PROM1: variants seen among roughly 807,000 people sequenced by gnomAD.
PROM1 encodes prominin-1.
Under a neutral mutation model 116.9 loss-of-function variants are expected in PROM1, and 105 were observed. That is an observed-to-expected ratio of 0.90 (90% CI 0.77 to 1.06). The LOEUF (loss-of-function observed/expected upper bound fraction) is 1.06. Among genes scored for constraint, PROM1 ranks in the 50% least tolerant of loss-of-function variants. PROM1 has a pLI of 0.00. For missense variants in PROM1, 1,122 were observed against 1,045.2 expected, an observed-to-expected ratio of 1.07 and a Z score of -1.01; for synonymous variants, 393 against 387.0, an observed-to-expected ratio of 1.02 and a Z score of -0.18.
rs577781904 is a variant in PROM1 at position 15,981,036 on chromosome 4, A to T, written c.2374-499T>A. On this transcript the variant is annotated intron_variant, in intron 23 of 27. Coordinates refer to ENST00000447510, the MANE Select transcript of PROM1 (RefSeq NM_006017.3). ...GAGTGCAGTGGTGCGATCTCGGCTCACTGCAAGCTCCGCCTCCTGGGTTCA... is the reference window on the plus strand; with the variant it reads ...GAGTGCAGTGGTGCGATCTCGGCTCTCTGCAAGCTCCGCCTCCTGGGTTCA... Among the ~76,000 whole-genome samples the T allele has an allele frequency of 9.6e-4, 146 of 151,352 alleles. 1 individual carries two copies. Among genetic ancestry groups the T allele is most frequent in the African/African-American group, 3.5e-3 (143 of 41,390 alleles).
chr4:16,049,440 G>A (rs1169374222), intron 2 of PROM1, among the ~76,000 whole-genome samples: 1 of 152,150 alleles, frequency 6.6e-6, no homozygotes, highest in Admixed American at 6.5e-5. Flanking sequence ...TTGAGCTCAC[G>A]TAAATTTGTT....
At chr4:16,022,362 T>C (rs1417876402) in intron 8 of PROM1, among the ~76,000 whole-genome samples, 2 of 152,152 alleles carry the variant, frequency 1.3e-5, no homozygotes, top group East Asian at 1.9e-4. Flanking sequence ...GTGATGTTAT[T>C]GTCGATGTCG....
chr4:15,976,094 C>T, intron 26 of PROM1: 1 of 439,944 alleles, frequency 2.3e-6, no homozygotes, highest in Non-Finnish European at 4.6e-6. Context: ...AAGACAAGTC[C>T]TTCCAATGTC....
intron 20 of PROM1, among the ~76,000 whole-genome samples, chr4:15,986,603 C>A (rs567061060): frequency 2.0e-5 from 3 of 152,230 alleles, no homozygotes; most frequent in Admixed American, 6.5e-5. Flanking sequence ...TTGGCTGGGC[C>A]CCTCATGAAA....
intron 2 of PROM1, among the ~76,000 whole-genome samples, chr4:16,072,670 TA>T (rs1234921475): frequency 6.6e-6 from 1 of 152,208 alleles, no homozygotes; most frequent in Non-Finnish European, 1.5e-5. Context: ...CTTGCAGGAC[TA>T]AAAAATTAGC....
At chr4:16,057,051 T>C (rs540891047) in intron 2 of PROM1, among the ~76,000 whole-genome samples, 52 of 152,380 alleles carry the variant, frequency 3.4e-4, no homozygotes, top group African/African-American at 1.2e-3. Flanking sequence ...GTCAGGGAGC[T>C]ATTTACTTGA....
At chr4:15,987,200 T>G (rs1719653344) in intron 20 of PROM1, among the ~76,000 whole-genome samples, 1 of 152,196 alleles carries the variant, frequency 6.6e-6, no homozygotes, top group Admixed American at 6.5e-5. Context: ...GTGCCTCCAC[T>G]CATCCCCTGA....
At position 15,986,008 on chromosome 4, in the gene PROM1, C is replaced by G; in HGVS notation, c.2160G>C (p.Leu720=). Residue 720 remains leucine, a synonymous_variant, in exon 21 of 28, where the codon CTG becomes CTC. Transcript: ENST00000447510. ...LERVTRILAS[L]DFAQNFITNN... is the part of the protein sequence containing the mutation. ...TTGTGATGAAGTTCTGAGCAAAATC[C>G]AGAGAAGCTAGAATCCTAGTTACTC... 1 of 1,580,848 alleles carries G rather than the reference C, an allele frequency of 6.3e-7. No individual in the cohort carries two copies. The highest frequency in any genetic ancestry group is 2.3e-5 in the East Asian group (1 of 44,186).
intron 5 of PROM1, among the ~76,000 whole-genome samples, chr4:16,031,863 C>CT (rs1320772527): frequency 1.3e-5 from 2 of 152,242 alleles, no homozygotes; most frequent in Admixed American, 6.5e-5. Flanking sequence ...TAAATAGTCA[C>CT]TGCCCTGGAG....
rs1485142340 is a variant in PROM1, at chr4:16,076,211, C to G, written c.-212-93G>C. 1.2e-5 allele frequency: 4 copies of G among 320,946 alleles called. No individual in the cohort carries two copies. In the East Asian group the frequency reaches 2.3e-4, roughly 18 times the overall value. 19.9% of individuals were successfully genotyped at this position (320,946 alleles called of 1,614,324 possible). On this transcript the variant is annotated intron_variant, in intron 1 of 27. Transcript: ENST00000447510. ...GAGAGGACGCTGCAAAGCTTTAGAG[C>G]AAGGCCTCCAGCCTAATCCGGATGG...
chr4:16,042,606 A>G (rs1249685173), intron 2 of PROM1, among the ~76,000 whole-genome samples: 1 of 152,186 alleles, frequency 6.6e-6, no homozygotes, highest in African/African-American at 2.4e-5. Context: ...AATTTTTTTA[A>G]TAAATAAATA....
At position 16,024,374 on chromosome 4, in the gene PROM1, T is replaced by G; in HGVS notation, c.631-16A>C. The G allele has an allele frequency of 6.2e-7, 1 of 1,602,916 alleles. No individual in the cohort carries two copies. The highest frequency in any genetic ancestry group is 8.5e-7 in the Non-Finnish European group (1 of 1,174,154). ...ATTTGATTTGCTGAAAAAAGAACAT[T>G]CTGTGAAACCTCCCCTTCTAAGGTC... On this transcript the variant is annotated splice_polypyrimidine_tract_variant and intron_variant, in intron 6 of 27. Coordinates refer to ENST00000447510, the MANE Select transcript of PROM1 (RefSeq NM_006017.3).
intron 7 of PROM1, among the ~76,000 whole-genome samples, chr4:16,023,703 C>T (rs906386392): frequency 8.5e-5 from 13 of 152,174 alleles, no homozygotes; most frequent in East Asian, 1.9e-4. Flanking sequence ...GACCAGAGTT[C>T]GCACCTGGAC....
intron 2 of PROM1, among the ~76,000 whole-genome samples, chr4:16,060,777 C>T (rs188757910): frequency 3.0e-4 from 45 of 152,182 alleles, no homozygotes; most frequent in Non-Finnish European, 5.1e-4. Context: ...GTGATATTTG[C>T]GTTTTTCCCA....
At chr4:16,012,676 C>G (rs571151794) in intron 11 of PROM1, among the ~76,000 whole-genome samples, 144 of 152,094 alleles carry the variant, frequency 9.5e-4, no homozygotes, top group Middle Eastern at 3.4e-3. Flanking sequence ...CGAGACCATC[C>G]TGGCTAACAC....
chr4:16,045,699 C>T (rs184626849), intron 2 of PROM1, among the ~76,000 whole-genome samples: 61 of 152,210 alleles, frequency 4.0e-4, no homozygotes, highest in African/African-American at 1.4e-3. Flanking sequence ...CTCACTGAAG[C>T]TTATAGACCA....
In PROM1 at chr4:16,061,888, C is replaced by CT. The variant is rs34310500; in HGVS notation, c.220+13798dup. Among the ~76,000 whole-genome samples, 121 of 85,694 alleles carry CT rather than the reference C, an allele frequency of 1.4e-3. 1 individual carries two copies. Among genetic ancestry groups the CT allele is most frequent in the Middle Eastern group, 6.0e-3 (1 of 166 alleles). The allele number at this position is 85,694 out of a possible 152,430, so 56.2% of individuals were successfully genotyped here. A position where few individuals can be genotyped will look rare whatever the true frequency, so the allele number is the denominator to read the frequency against. ...CTGTGTGTGTGTGTTTACAAATTTC[C>CT]TTTTTTTTTTTTTTTTTTTTTGAGA... On this transcript the variant is annotated intron_variant, in intron 2 of 27. Coordinates refer to ENST00000447510, the MANE Select transcript of PROM1 (RefSeq NM_006017.3).
intron 8 of PROM1, among the ~76,000 whole-genome samples, chr4:16,022,166 A>C: frequency 6.6e-6 from 1 of 151,680 alleles, no homozygotes. Context: ...GGAGGGAGGA[A>C]GGAAAGAAAG....
intron 5 of PROM1, among the ~76,000 whole-genome samples, chr4:16,029,602 C>T (rs940618436): frequency 6.6e-6 from 1 of 152,156 alleles, no homozygotes; most frequent in African/African-American, 2.4e-5. Flanking sequence ...AACATGCCCA[C>T]GTAGATTGCA....
Sources: allele counts gnomAD v4.1 joint callset (sites outside exome capture counted in the v4.1 genomes callset), GRCh38; gene constraint gnomAD v4.1.1; transcripts MANE v1.5; gene names NCBI Gene and HGNC (gene_info 2026-07-23, HGNC 2026-07-21).